Variants in CRPPA observed in about 807,000 individuals in gnomAD.
The protein encoded by CRPPA is D-ribitol-5-phosphate cytidylyltransferase.
Under a neutral mutation model 52.0 loss-of-function variants are expected in CRPPA, and 43 were observed. That is an observed-to-expected ratio of 0.83 (90% CI 0.65 to 1.07). The LOEUF (loss-of-function observed/expected upper bound fraction) is 1.07, where lower values mean the gene tolerates loss of function less well. Among genes scored for constraint, CRPPA ranks in the 50% least tolerant of loss-of-function variants. CRPPA has a pLI of 0.00. For synonymous variants in CRPPA, 250 were observed against 203.5 expected (o/e 1.23, Z -1.94); for missense variants, 629 against 551.7 (o/e 1.14, Z -1.40).
chr7:16,223,188 C>T (rs962000644), intron 8 of CRPPA, among the ~76,000 whole-genome samples: 1 of 152,148 alleles, frequency 6.6e-6, no homozygotes, highest in African/African-American at 2.4e-5. Flanking sequence ...TACATACCCA[C>T]ATGCCAGCTG....
At chr7:16,391,827 T>C (rs372814507) in intron 2 of CRPPA, among the ~76,000 whole-genome samples, 39 of 152,262 alleles carry the variant, frequency 2.6e-4, no homozygotes, top group Middle Eastern at 3.4e-3. Flanking sequence ...CATTAGTGAA[T>C]CAGTGTTGTA....
At chr7:16,105,229 T>A (rs1265487679) in intron 9 of CRPPA, among the ~76,000 whole-genome samples, 2 of 152,190 alleles carry the variant, frequency 1.3e-5, no homozygotes, top group African/African-American at 2.4e-5. Flanking sequence ...TATCTTTTTT[T>A]AAACCCCAAC....
chr7:16,407,652 TACC>T (rs1282673457), intron 1 of CRPPA, among the ~76,000 whole-genome samples: 14 of 152,322 alleles, frequency 9.2e-5, no homozygotes, highest in Admixed American at 6.5e-4. Flanking sequence ...TAATGTCTCC[TACC>T]TCTTGTTATC....
intron 9 of CRPPA, among the ~76,000 whole-genome samples, chr7:16,181,547 AAAAC>A (rs144905571): frequency 0.014 from 2,067 of 152,094 alleles, 45 homozygotes; most frequent in African/African-American, 0.048. Context: ...CGAGTATACC[AAAAC>A]AAACAAAGAC....
intron 9 of CRPPA, among the ~76,000 whole-genome samples, chr7:16,183,402 C>G (rs1407831498): frequency 6.6e-6 from 1 of 152,182 alleles, no homozygotes; most frequent in African/African-American, 2.4e-5. Flanking sequence ...AATGCCTTTT[C>G]TGGGAGCCAC....
At chr7:16,223,289 C>G (rs909417310) in intron 8 of CRPPA, among the ~76,000 whole-genome samples, 1 of 152,120 alleles carries the variant, frequency 6.6e-6, no homozygotes, top group Non-Finnish European at 1.5e-5. Flanking sequence ...TACTTAGATG[C>G]CATCTACAAA....
chr7:16,305,024 G>A (rs1315167455), intron 4 of CRPPA, among the ~76,000 whole-genome samples: 1 of 152,092 alleles, frequency 6.6e-6, no homozygotes, highest in East Asian at 1.9e-4. Flanking sequence ...AGCATCTTTG[G>A]AGTTAGTGTA....
intron 5 of CRPPA, among the ~76,000 whole-genome samples, chr7:16,294,603 T>C (rs17362810): frequency 4.6e-5 from 7 of 151,938 alleles, no homozygotes; most frequent in Admixed American, 1.3e-4. Flanking sequence ...ACAGTATTCT[T>C]TGAGAGAGTG....
intron 2 of CRPPA, among the ~76,000 whole-genome samples, chr7:16,389,922 A>ATATATATAT (rs1163713598): frequency 1.2e-3 from 74 of 62,216 alleles, no homozygotes; most frequent in African/African-American, 1.9e-3. Flanking sequence ...ACAAAAAAAA[A>ATATATATAT]AAAAAAATAT....
chr7:16,088,599 TAC>T lies in CRPPA; in HGVS notation c.*3094_*3095del, dbSNP rs1781747972. On this transcript the variant is annotated 3_prime_UTR_variant, in exon 10 of 10. Transcript: ENST00000407010. ...TGCCTGGCTATTTTTTTTGTATTTT[TAC>T]TAGAGACGGGGTTTCACCGCATTAG... 1.3e-5 allele frequency: 2 copies of T among 152,336 alleles called. No homozygotes were observed. Among genetic ancestry groups the T allele is most frequent in the South Asian group, 2.1e-4 (1 of 4,826 alleles). The allele number at this position is 152,336 out of a possible 1,614,324, so 9.4% of individuals were successfully genotyped here.
intron 6 of CRPPA, chr7:16,276,752 A>G (rs780891392): frequency 1.3e-5 from 2 of 152,188 alleles, no homozygotes; most frequent in African/African-American, 2.4e-5. Flanking sequence ...AGAATAAACA[A>G]TTGTTTAAGG....
intron 3 of CRPPA, among the ~76,000 whole-genome samples, chr7:16,314,253 G>A (rs762881241): frequency 3.3e-5 from 5 of 151,766 alleles, no homozygotes; most frequent in African/African-American, 7.3e-5. Context: ...ATTATGTAAT[G>A]CCCCTTTAGT....
chr7:16,356,199 A>G (rs1034238387), intron 3 of CRPPA, among the ~76,000 whole-genome samples: 2 of 152,240 alleles, frequency 1.3e-5, no homozygotes, highest in African/African-American at 4.8e-5. Flanking sequence ...GCCAAACAAT[A>G]AAATTATTAA....
chr7:16,273,265 A>C (rs893565588), intron 6 of CRPPA, among the ~76,000 whole-genome samples: 3 of 151,940 alleles, frequency 2.0e-5, no homozygotes, highest in African/African-American at 4.8e-5. Context: ...GAGAACATGC[A>C]TTCCTGTTTT....
Position 16,399,595 on chromosome 7 carries a change from G to A in CRPPA, c.534+6466C>T, listed in dbSNP as rs1011011655. On this transcript the variant is annotated intron_variant, in intron 2 of 9. Coordinates refer to ENST00000407010, the MANE Select transcript of CRPPA (RefSeq NM_001101426.4). Reference sequence around the variant, plus strand: ...GTGACATGTGACAAGCGACTTACACGATTGGCATGTGTCCAACACGTGACT... The same window carrying A: ...GTGACATGTGACAAGCGACTTACACAATTGGCATGTGTCCAACACGTGACT... Among the ~76,000 whole-genome samples the A allele has an allele frequency of 6.6e-5, 10 of 151,924 alleles. No individual in the cohort carries two copies. The East Asian group carries it at 7.8e-4, about 12-fold the overall frequency.
At chr7:16,317,345 G>C (rs1279698847) in intron 3 of CRPPA, among the ~76,000 whole-genome samples, 1 of 152,158 alleles carries the variant, frequency 6.6e-6, no homozygotes, top group East Asian at 1.9e-4. Context: ...ACAAGTTCTT[G>C]ATAAAATCTA....
chr7:16,124,233 AT>A (rs57278292), intron 9 of CRPPA, among the ~76,000 whole-genome samples: 5,291 of 151,764 alleles, frequency 0.035, 274 homozygotes, highest in East Asian at 0.27. Context: ...CTTTTTGATA[AT>A]AGCCATTCTA....
At chr7:16,263,815 G>A (rs1488404939) in intron 6 of CRPPA, among the ~76,000 whole-genome samples, 2 of 151,938 alleles carry the variant, frequency 1.3e-5, no homozygotes, top group African/African-American at 2.4e-5. Context: ...CAGCCATATA[G>A]TGTTATTGTA....
chr7:16,381,135 T>C (rs1053853949), intron 2 of CRPPA, among the ~76,000 whole-genome samples: 1 of 152,170 alleles, frequency 6.6e-6, no homozygotes, highest in African/African-American at 2.4e-5. Context: ...TTTAGTGCTA[T>C]AAATTTCCCT....
Sources: allele counts gnomAD v4.1 joint callset (sites outside exome capture counted in the v4.1 genomes callset), GRCh38; gene constraint gnomAD v4.1.1; transcripts MANE v1.5; gene names NCBI Gene and HGNC (gene_info 2026-07-23, HGNC 2026-07-21).